The following RNGTT variants were observed in gnomAD, a reference collection of about 807,000 sequenced individuals.
The protein encoded by RNGTT is RNA guanylyltransferase and 5'-phosphatase.
A neutral mutation model predicts 79.3 loss-of-function variants in RNGTT; 33 were observed. The observed-to-expected ratio is 0.42, with a 90% CI of 0.32 to 0.56. The LOEUF is 0.56. Ranked by LOEUF, RNGTT falls within the 20% of genes least tolerant of loss-of-function variation. RNGTT has a pLI of 0.17. For synonymous variants in RNGTT, 222 were observed against 235.9 expected (o/e 0.94, Z 0.54); for missense variants, 497 against 739.1 (o/e 0.67, Z 3.80).
intron 1 of RNGTT, among the ~76,000 whole-genome samples, chr6:88,944,323 C>T (rs1041442017): frequency 2.6e-5 from 4 of 152,160 alleles, no homozygotes; most frequent in Admixed American, 2.6e-4. Flanking sequence ...ATGGTAAAAA[C>T]AGTGATTCAA....
chr6:88,836,023 CATATATATATAAGATTT>C (rs1781064422), intron 11 of RNGTT, among the ~76,000 whole-genome samples: 1 of 92,094 alleles, frequency 1.1e-5, no homozygotes, highest in African/African-American at 3.2e-5. Flanking sequence ...CACACACACA[CATATATATATAAGATTT>C]ACATATATAT....
Position 88,612,821 on chromosome 6 carries a change from T to C in RNGTT, c.1692A>G (p.Arg564=), listed in dbSNP as rs750782903. The C allele has an allele frequency of 2.2e-5, 35 of 1,613,660 alleles. No homozygotes were observed. Among genetic ancestry groups the C allele is most frequent in the Non-Finnish European group, 1.2e-5 (14 of 1,179,956 alleles). ...TKEMLFEFID[R]CTAASQGQKR... ...TCTGTCCTTGAGAAGCTGCAGTACA[T>C]CTGTCGATGAACTCAAACAGCATCT... Residue 564 remains arginine (R), a synonymous_variant, in exon 16 of 16, where the codon AGA becomes AGG. Transcript: ENST00000369485.
In RNGTT at chr6:88,769,812, C is replaced by T. The variant is rs766695727; in HGVS notation, c.1401G>A (p.Val467=). 6.2e-7 allele frequency: 1 copy of T among 1,612,376 alleles called. No homozygotes were observed. Among genetic ancestry groups the T allele is most frequent in the Non-Finnish European group, 8.5e-7 (1 of 1,178,988 alleles). The change falls in exon 13 of 16, where the codon GTG becomes GTA. Residue 467 remains valine, a synonymous_variant. Transcript: ENST00000369485. The stretch of plus-strand genomic sequence containing the variant: ...TTCTTGTTATTTTTAGACGAAAATC[C>T]ACAGAATTCAGACTGGGAGGCTTCC... ...LKWKPPSLNS[V]DFRLKITRMG...
chr6:88,712,433 G>A (rs1384637640), intron 13 of RNGTT, among the ~76,000 whole-genome samples: 1 of 152,120 alleles, frequency 6.6e-6, no homozygotes, highest in Non-Finnish European at 1.5e-5. Flanking sequence ...AGCCTTCCAA[G>A]TAGCTAGGAC....
chr6:88,897,330 G>A (rs1305538459), intron 6 of RNGTT, among the ~76,000 whole-genome samples: 3 of 152,056 alleles, frequency 2.0e-5, no homozygotes, highest in Admixed American at 6.6e-5. Context: ...ACTTACTGAG[G>A]AAAAAATCAC....
intron 13 of RNGTT, among the ~76,000 whole-genome samples, chr6:88,717,372 C>A (rs1187810795): frequency 6.6e-6 from 1 of 152,182 alleles, no homozygotes; most frequent in African/African-American, 2.4e-5. Flanking sequence ...TCTCAAATCA[C>A]AAAGATCTCA....
At chr6:88,692,610 G>A (rs1231115922) in intron 13 of RNGTT, among the ~76,000 whole-genome samples, 3 of 151,952 alleles carry the variant, frequency 2.0e-5, no homozygotes, top group Non-Finnish European at 4.4e-5. Context: ...GCCAGAGAAG[G>A]GAGTGAGGAT....
chr6:88,633,262 G>A lies in RNGTT; in HGVS notation c.1507-18867C>T, dbSNP rs145465281. On this transcript the variant is annotated intron_variant, in intron 14 of 15. Coordinates refer to ENST00000369485, the MANE Select transcript of RNGTT (RefSeq NM_003800.5). Reference sequence around the variant, plus strand: ...CATAAAAGGTGCTCAATAAGTATGTGTAGAAAAAAAAAAGCTTGATGAACA... The same window carrying A: ...CATAAAAGGTGCTCAATAAGTATGTATAGAAAAAAAAAAGCTTGATGAACA... Among the ~76,000 whole-genome samples the A allele has an allele frequency of 1.1e-3, 169 of 151,516 alleles. 1 individual carries two copies. Among genetic ancestry groups the A allele is most frequent in the African/African-American group, 3.6e-3 (150 of 41,322 alleles).
intron 11 of RNGTT, among the ~76,000 whole-genome samples, chr6:88,813,253 C>T (rs1267610012): frequency 1.3e-5 from 2 of 152,170 alleles, no homozygotes; most frequent in Non-Finnish European, 2.9e-5. Flanking sequence ...ATTTCCACCA[C>T]AGGCTGCATA....
At chr6:88,844,032 A>T (rs1180189229) in intron 11 of RNGTT, among the ~76,000 whole-genome samples, 1 of 151,842 alleles carries the variant, frequency 6.6e-6, no homozygotes, top group Non-Finnish European at 1.5e-5. Context: ...CAGGATGTGT[A>T]GGAGCAGGCC....
intron 11 of RNGTT, among the ~76,000 whole-genome samples, chr6:88,830,604 G>C (rs574262918): frequency 2.8e-3 from 397 of 142,528 alleles, no homozygotes; most frequent in African/African-American, 9.6e-3. Flanking sequence ...GAGAGAGAGA[G>C]ACACAAAAAA....
intron 8 of RNGTT, among the ~76,000 whole-genome samples, chr6:88,859,239 T>C (rs1211689873): frequency 1.3e-5 from 2 of 151,618 alleles, no homozygotes. Flanking sequence ...AACAAAAAAC[T>C]ACTTGTATGA....
At chr6:88,952,020 G>A (rs908705344) in intron 1 of RNGTT, among the ~76,000 whole-genome samples, 2 of 152,152 alleles carry the variant, frequency 1.3e-5, no homozygotes, top group African/African-American at 2.4e-5. Context: ...GGGCCTGAAA[G>A]CCATGCTCGC....
chr6:88,859,218 T>C (rs1239166151), intron 8 of RNGTT, among the ~76,000 whole-genome samples: 1 of 151,882 alleles, frequency 6.6e-6, no homozygotes, highest in Non-Finnish European at 1.5e-5. Flanking sequence ...TTTTTTAACT[T>C]TATCTTAGAA....
At chr6:88,853,878 C>T (rs2127908104) in intron 8 of RNGTT, 114 bp from the exon 9 acceptor site, 2 of 560,928 alleles carry the variant, frequency 3.6e-6, no homozygotes, top group East Asian at 6.3e-5. Flanking sequence ...CTAATGTTCA[C>T]TGGAGTCTCT....
At chr6:88,896,873 G>C (rs1049328611) in intron 6 of RNGTT, among the ~76,000 whole-genome samples, 1 of 151,866 alleles carries the variant, frequency 6.6e-6, no homozygotes, top group African/African-American at 2.4e-5. Context: ...GAAATAACTC[G>C]ACCTGTTGTA....
chr6:88,779,392 G>A (rs560119496), intron 12 of RNGTT, among the ~76,000 whole-genome samples: 99 of 152,158 alleles, frequency 6.5e-4, no homozygotes, highest in African/African-American at 2.3e-3. Context: ...TTGAATGATG[G>A]TATAGTTTTA....
intron 14 of RNGTT, among the ~76,000 whole-genome samples, chr6:88,644,756 T>C (rs548784161): frequency 1.3e-5 from 2 of 152,192 alleles, no homozygotes; most frequent in Non-Finnish European, 2.9e-5. Context: ...AAAAACCACA[T>C]GATTATCTCA....
At chr6:88,687,008 T>C (rs1439198252) in intron 13 of RNGTT, among the ~76,000 whole-genome samples, 2 of 151,562 alleles carry the variant, frequency 1.3e-5, no homozygotes, top group Non-Finnish European at 2.9e-5. Context: ...AAAAACACCA[T>C]AAACAAAGTC....
Sources: allele counts gnomAD v4.1 joint callset (sites outside exome capture counted in the v4.1 genomes callset), GRCh38; gene constraint gnomAD v4.1.1; transcripts MANE v1.5; gene names NCBI Gene and HGNC (gene_info 2026-07-23, HGNC 2026-07-21).